Variants in ADGRG6 observed in about 807,000 individuals in gnomAD.
ADGRG6 encodes the protein adhesion G protein-coupled receptor G6, also known as G-protein coupled receptor 126.
ADGRG6 carries 84 observed loss-of-function variants against 142.4 expected under a neutral mutation model. The ratio of observed to expected loss-of-function variants is 0.59; its 90% CI spans 0.49 to 0.71. The LOEUF (loss-of-function observed/expected upper bound fraction) is 0.71, where lower values mean the gene tolerates loss of function less well. Among genes scored for constraint, ADGRG6 ranks in the 30% least tolerant of loss-of-function variants. ADGRG6 has a pLI of 0.00. For synonymous variants in ADGRG6, 521 were observed against 520.5 expected (o/e 1.00, Z -0.01); for missense variants, 1,367 against 1,466.6 (o/e 0.93, Z 1.11).
intron 22 of ADGRG6, among the ~76,000 whole-genome samples, chr6:142,428,122 G>T (rs966639426): frequency 9.9e-5 from 15 of 152,128 alleles, no homozygotes; most frequent in Non-Finnish European, 1.5e-5. Flanking sequence ...TTTTGGAAAT[G>T]TATGAAGGGG....
intron 2 of ADGRG6, among the ~76,000 whole-genome samples, chr6:142,332,012 T>C (rs949099873): frequency 9.9e-5 from 15 of 152,184 alleles, no homozygotes; most frequent in African/African-American, 3.4e-4. Context: ...TACAGATCAT[T>C]AGGTTTTTAG....
At chr6:142,357,696 C>T (rs1437758456) in intron 2 of ADGRG6, among the ~76,000 whole-genome samples, 1 of 152,164 alleles carries the variant, frequency 6.6e-6, no homozygotes, top group Non-Finnish European at 1.5e-5. Flanking sequence ...TATATTCTCC[C>T]AACTTATTGG....
chr6:142,423,544 C>G (rs1459837142), intron 22 of ADGRG6, among the ~76,000 whole-genome samples: 13 of 149,618 alleles, frequency 8.7e-5, no homozygotes, highest in Non-Finnish European at 1.5e-4. Context: ...TGTTTTGGTA[C>G]CAGTACCATG....
intron 2 of ADGRG6, among the ~76,000 whole-genome samples, chr6:142,318,173 T>TTATATA (rs1562307280): frequency 3.0e-3 from 27 of 9,152 alleles, no homozygotes; most frequent in African/African-American, 0.014. Flanking sequence ...TATTATATAT[T>TTATATA]TATATATTAT....
At chr6:142,335,332 G>C (rs1338569261) in intron 2 of ADGRG6, among the ~76,000 whole-genome samples, 1 of 152,268 alleles carries the variant, frequency 6.6e-6, no homozygotes, top group East Asian at 1.9e-4. Flanking sequence ...GGTGGGGAAG[G>C]AGTTTTTAAA....
chr6:142,382,136 G>A lies in ADGRG6; in HGVS notation c.1138+117G>A, dbSNP rs1047187082. The A allele has an allele frequency of 2.9e-5, 19 of 659,870 alleles. No homozygotes were observed. In the East Asian group the frequency reaches 3.1e-4, roughly 11 times the overall value. 40.9% of individuals were successfully genotyped at this position (659,870 alleles called of 1,614,324 possible). A position where few individuals can be genotyped will look rare whatever the true frequency, so the allele number is the denominator to read the frequency against. The stretch of plus-strand genomic sequence containing the variant: ...TTTTCACTTGGAAAGCCAGAAAACA[G>A]CAAAACAGAAGAATTTCTGCATGTG... On this transcript the variant is annotated intron_variant, in intron 5 of 24. Coordinates refer to ENST00000367609, the MANE Select transcript of ADGRG6 (RefSeq NM_198569.3).
Position 142,419,990 on chromosome 6 carries a change from A to C in ADGRG6, c.3205A>C (p.Ser1069Arg). The C allele has an allele frequency of 6.2e-7, 1 of 1,613,542 alleles. No individual in the cohort carries two copies. The highest frequency in any genetic ancestry group is 1.1e-5 in the South Asian group (1 of 91,072). The change falls in exon 22 of 25, where the codon AGT becomes CGT. Residue 1069 changes from serine (S) to arginine (R), a missense_variant. Physicochemically the swap from Ser to Arg is moderately radical, Grantham distance 110. Coordinates refer to ENST00000367609, the MANE Select transcript of ADGRG6 (RefSeq NM_198569.3). The part of the protein sequence containing the change: ...LREEVLRNLR[S>R]VVSLTFLLGM... The stretch of plus-strand genomic sequence containing the variant: ...AGAAGAAGTGTTAAGGAACCTGCGC[A>C]GTGTGGTTAGCTTGACCTTTCTGTT...
intron 1 of ADGRG6, among the ~76,000 whole-genome samples, chr6:142,305,160 T>G (rs574660429): frequency 6.6e-6 from 1 of 152,250 alleles, no homozygotes; most frequent in South Asian, 2.1e-4. Context: ...TGCAACTTCT[T>G]TTATCAAAGT....
chr6:142,310,324 C>T (rs1440822794), intron 2 of ADGRG6, among the ~76,000 whole-genome samples: 1 of 151,620 alleles, frequency 6.6e-6, no homozygotes, highest in East Asian at 1.9e-4. Context: ...ACTGTTTCTT[C>T]ATTTTCTGGT....
Position 142,443,353 on chromosome 6 carries a change from CAAGTCCTTG to C in ADGRG6, c.3592_3600del (p.Lys1198_Leu1200del), listed in dbSNP as rs1350479980. ...TTCTTGCAGACAGTGCTTCCATGGA[CAAGTCCTTG>C]TCAAAACTGGCCCATGCTGATGGAG... is the stretch of plus-strand genomic sequence containing the variant. On this transcript the variant is annotated inframe_deletion, in exon 25 of 25. Coordinates refer to ENST00000367609, the MANE Select transcript of ADGRG6 (RefSeq NM_198569.3). The C allele has an allele frequency of 1.2e-6, 2 of 1,610,362 alleles. No homozygotes were observed. The highest frequency in any genetic ancestry group is 1.7e-6 in the Non-Finnish European group (2 of 1,178,206).
chr6:142,408,127 C>G, intron 15 of ADGRG6, 23 bp from the exon 16 acceptor site: 1 of 1,525,450 alleles, frequency 6.6e-7, no homozygotes, highest in Non-Finnish European at 8.8e-7. Flanking sequence ...GACTGATACA[C>G]GCGATTTTTT....
At chr6:142,393,133 C>A in intron 8 of ADGRG6, 133 bp downstream of exon 8, 1 of 561,080 alleles carries the variant, frequency 1.8e-6, no homozygotes, top group Non-Finnish European at 3.2e-6. Context: ...CTTTCTAAAA[C>A]AACTGTGTAT....
chr6:142,415,671 A>G, intron 19 of ADGRG6, 125 bp from the exon 20 acceptor site: 1 of 641,270 alleles, frequency 1.6e-6, no homozygotes, highest in Non-Finnish European at 2.7e-6. Context: ...GCAGAACCAC[A>G]TCAGAAAGGT....
chr6:142,307,931 A>G (rs1777582523), intron 1 of ADGRG6, among the ~76,000 whole-genome samples: 3 of 152,018 alleles, frequency 2.0e-5, no homozygotes, highest in Admixed American at 2.0e-4. Flanking sequence ...TGAGTTTCAG[A>G]TACTACTTAA....
chr6:142,420,820 G>A (rs528336122), intron 22 of ADGRG6, among the ~76,000 whole-genome samples: 3 of 152,158 alleles, frequency 2.0e-5, no homozygotes, highest in African/African-American at 7.2e-5. Context: ...AATATAAATT[G>A]TCTTTTTAGA....
In ADGRG6 at chr6:142,400,532, A is replaced by G. The variant is rs1461572120; in HGVS notation, c.1615A>G (p.Ile539Val). The change falls in exon 11 of 25, where the codon ATC becomes GTC. Residue 539 changes from isoleucine to valine, a missense_variant. By Grantham distance (29) the Ile-to-Val change is conservative (BLOSUM62 3). This residue lies in a region of ADGRG6 where 737 missense variants were observed against 746.5 expected (regional missense o/e 0.99). Transcript: ENST00000367609. ...ACCCAAAGGCTACTACTGGCCATCTATCCAACCTTCTGAATACGTTCTTCC... is the reference window on the plus strand; with the variant it reads ...ACCCAAAGGCTACTACTGGCCATCTGTCCAACCTTCTGAATACGTTCTTCC... ...EEPKGYYWPS[I>V]QPSEYVLPCP... 2.5e-6 allele frequency: 4 copies of G among 1,607,274 alleles called. No individual in the cohort carries two copies. Among genetic ancestry groups the G allele is most frequent in the Non-Finnish European group, 2.6e-6 (3 of 1,174,248 alleles).
In ADGRG6 at chr6:142,415,839, A is replaced by G; in HGVS notation, c.2713A>G (p.Ser905Gly). 1 of 1,612,178 alleles carries G rather than the reference A, an allele frequency of 6.2e-7. No homozygotes were observed. ...DYPSKILMNL[S>G]TALLFLNLLF... ...TCCCTCCAAAATCTTGATGAACCTG[A>G]GCACAGCCCTGCTGTTCCTGAATCT... The change falls in exon 20 of 25, where the codon AGC (serine) becomes GGC (glycine). Residue 905 changes from serine to glycine, a missense_variant. Physicochemically the swap from Ser to Gly is moderately conservative, Grantham distance 56 (BLOSUM62 0). Transcript: ENST00000367609.
intron 22 of ADGRG6, among the ~76,000 whole-genome samples, chr6:142,430,204 T>C (rs570960219): frequency 4.1e-4 from 62 of 152,352 alleles, no homozygotes; most frequent in African/African-American, 1.5e-3. Flanking sequence ...ATTGTATTTC[T>C]GGATATTTAT....
chr6:142,339,942 G>A (rs1337895725), intron 2 of ADGRG6, among the ~76,000 whole-genome samples: 1 of 152,080 alleles, frequency 6.6e-6, no homozygotes, highest in South Asian at 2.1e-4. Context: ...TATTGCAGGT[G>A]TAGTTGGCAT....
Sources: allele counts gnomAD v4.1 joint callset (sites outside exome capture counted in the v4.1 genomes callset), GRCh38; gene constraint gnomAD v4.1.1; regional missense constraint gnomAD v4.1.1; transcripts MANE v1.5; gene names NCBI Gene and HGNC (gene_info 2026-07-23, HGNC 2026-07-21).